GTSF1: variants seen among roughly 807,000 people sequenced by gnomAD.
GTSF1 encodes the protein gametocyte-specific factor 1.
In GTSF1, 11 loss-of-function variants were observed where a neutral mutation model predicts 28.9. The ratio of observed to expected loss-of-function variants is 0.38; its 90% confidence interval spans 0.24 to 0.63. The LOEUF (loss-of-function observed/expected upper bound fraction) is 0.63. Ranked by LOEUF, GTSF1 falls within the 30% of genes least tolerant of loss-of-function variation. GTSF1 has a pLI of 0.56. For missense variants in GTSF1, 146 were observed against 201.0 expected (o/e 0.73, Z 1.66); for synonymous variants, 69 against 65.6 (o/e 1.05, Z -0.25).
At position 54,462,709 on chromosome 12, in the gene GTSF1, G is replaced by T. The variant is rs945404154; in HGVS notation, c.261C>A (p.Ser87Arg). Residue 87 changes from serine (S) to arginine (R), a missense_variant, in exon 5 of 9, where the codon AGC becomes AGA. Physicochemically the swap from Ser to Arg is moderately radical, Grantham distance 110. Coordinates refer to ENST00000305879, the MANE Select transcript of GTSF1 (RefSeq NM_144594.3). ...IEQDVVNQTR[S>R]LRQETLAEST... is the part of the protein sequence containing the mutation. The stretch of plus-strand genomic sequence containing the variant: ...TCTCAGCCAGAGTCTCTTGTCTAAG[G>T]CTCCTGGTTTGGTTGACTGCAAGAC... 3.7e-6 allele frequency: 6 copies of T among 1,613,786 alleles called. No individual in the cohort carries two copies. Among genetic ancestry groups the T allele is most frequent in the Non-Finnish European group, 2.5e-6 (3 of 1,179,824 alleles).
chr12:54,470,005 T>C (rs1009671489), intron 2 of GTSF1, among the ~76,000 whole-genome samples: 2 of 151,914 alleles, frequency 1.3e-5, no homozygotes, highest in African/African-American at 4.8e-5. Flanking sequence ...ACCCGGCCGG[T>C]CTCTACTAAA....
Position 54,463,164 on chromosome 12 carries a change from G to A in GTSF1, c.244+7C>T. 6.2e-7 allele frequency: 1 copy of A among 1,613,206 alleles called. No homozygotes were observed. Among genetic ancestry groups the A allele is most frequent in the Non-Finnish European group, 8.5e-7 (1 of 1,179,486 alleles). On this transcript the variant is annotated splice_region_variant and intron_variant, in intron 4 of 8. Coordinates refer to ENST00000305879, the MANE Select transcript of GTSF1 (RefSeq NM_144594.3). The stretch of plus-strand genomic sequence containing the variant: ...AGTACTGAAATATTTTAGATACTAA[G>A]TCTTACCAACATCTTGCTCAATACA...
At chr12:54,472,758 CTAGT>C (rs1235883648) in intron 1 of GTSF1, 2 of 152,078 alleles carry the variant, frequency 1.3e-5, no homozygotes, top group African/African-American at 4.8e-5. Context: ...AGCTAGAACT[CTAGT>C]TTTTTTGCTA....
chr12:54,466,000 T>TA (rs1351324111), intron 2 of GTSF1, among the ~76,000 whole-genome samples: 2 of 152,080 alleles, frequency 1.3e-5, no homozygotes, highest in South Asian at 2.1e-4. Flanking sequence ...ATTAGCCAGC[T>TA]AAAAAAATAG....
intron 6 of GTSF1, among the ~76,000 whole-genome samples, chr12:54,461,467 G>GT (rs1956422197): frequency 6.6e-6 from 1 of 152,050 alleles, no homozygotes; most frequent in African/African-American, 2.4e-5. Flanking sequence ...GAGGCCAGAA[G>GT]TTTGAGACCA....
In GTSF1 at chr12:54,462,135, G is replaced by GC; in HGVS notation, c.365dup (p.Thr123HisfsTer6). ...TGTTGTTGTCAGAGTAGTGAGTTGT[G>GC]CCCCAGACAAATGGGGTGCTGGTCT... On this transcript the variant is annotated frameshift_variant, in exon 6 of 9. Transcript: ENST00000305879. LOFTEE classifies it high-confidence loss of function. 6.2e-7 allele frequency: 1 copy of GC among 1,613,676 alleles called. No homozygotes were observed. Among genetic ancestry groups the GC allele is most frequent in the South Asian group, 1.1e-5 (1 of 91,066 alleles).
At chr12:54,461,919 T>C (rs949494150) in intron 6 of GTSF1, among the ~76,000 whole-genome samples, 190 bp downstream of exon 6, 2 of 152,332 alleles carry the variant, frequency 1.3e-5, no homozygotes, top group South Asian at 2.1e-4. Flanking sequence ...TCCCTTATGA[T>C]TGGCACAAAG....
intron 8 of GTSF1, among the ~76,000 whole-genome samples, chr12:54,458,832 TAA>T (rs4016626): frequency 2.3e-5 from 3 of 131,946 alleles, no homozygotes; most frequent in African/African-American, 2.8e-5. Context: ...GCAACTTTGA[TAA>T]AAAAAAAAAA....
At chr12:54,469,021 A>G (rs1412638841) in intron 2 of GTSF1, 1 of 152,216 alleles carries the variant, frequency 6.6e-6, no homozygotes, top group Non-Finnish European at 1.5e-5. Flanking sequence ...AATAGACAGT[A>G]GTATGCTTCC....
At chr12:54,461,798 G>A (rs1444409282) in intron 6 of GTSF1, among the ~76,000 whole-genome samples, 2 of 152,132 alleles carry the variant, frequency 1.3e-5, no homozygotes, top group African/African-American at 2.4e-5. Context: ...GGTATAGTGG[G>A]AGAATTTTTT....
intron 8 of GTSF1, among the ~76,000 whole-genome samples, chr12:54,456,624 TA>T: frequency 6.6e-6 from 1 of 152,198 alleles, no homozygotes; most frequent in South Asian, 2.1e-4. Flanking sequence ...GATAAAAACA[TA>T]AATAGGATAA....
At position 54,462,691 on chromosome 12, in the gene GTSF1, CAG is replaced by C. The variant is rs1565658804; in HGVS notation, c.277_278del (p.Leu93GlyfsTer2). ...NQTRSLRQET[L>X]AESTWQCPPC... The stretch of plus-strand genomic sequence containing the variant: ...GAGGGCACTGCCAAGTGCTCTCAGC[CAG>C]AGTCTCTTGTCTAAGGCTCCTGGTT... On this transcript the variant is annotated frameshift_variant, in exon 5 of 9. Transcript: ENST00000305879. LOFTEE classifies it high-confidence loss of function. The C allele has an allele frequency of 2.5e-6, 4 of 1,614,002 alleles. No individual in the cohort carries two copies. Among genetic ancestry groups the C allele is most frequent in the African/African-American group, 2.7e-5 (2 of 74,928 alleles).
chr12:54,463,371 T>C, intron 3 of GTSF1, 74 bp from the exon 4 acceptor site: 12 of 1,425,742 alleles, frequency 8.4e-6, no homozygotes, highest in South Asian at 2.5e-5. Flanking sequence ...CTAAGCCTTA[T>C]TCTACAAATG....
Position 54,462,156 on chromosome 12 carries a change from G to T in GTSF1, c.345C>A (p.Thr115=), listed in dbSNP as rs750525149. Residue 115 remains threonine, a synonymous_variant, in exon 6 of 9, where the codon ACC becomes ACA. Coordinates refer to ENST00000305879, the MANE Select transcript of GTSF1 (RefSeq NM_144594.3). ...TTGTGCCCCAGACAAATGGGGTGCT[G>T]GTCTGCTCCCACAAATCTGTTAAAG... is the stretch of plus-strand genomic sequence containing the variant. ...EDWDKDLWEQ[T]STPFVWGTTH... The T allele has an allele frequency of 1.9e-6, 3 of 1,613,248 alleles. No homozygotes were observed. The highest frequency in any genetic ancestry group is 2.5e-6 in the Non-Finnish European group (3 of 1,179,334).
At chr12:54,468,246 CCACCCCG>C (rs1473438823) in intron 2 of GTSF1, among the ~76,000 whole-genome samples, 2 of 152,026 alleles carry the variant, frequency 1.3e-5, no homozygotes, top group Non-Finnish European at 2.9e-5. Flanking sequence ...TCTTGTGCCT[CCACCCCG>C]CAAGTAGCTG....
intron 7 of GTSF1, among the ~76,000 whole-genome samples, chr12:54,459,907 T>C (rs2120734084): frequency 7.0e-6 from 1 of 143,628 alleles, no homozygotes; most frequent in East Asian, 2.0e-4. Flanking sequence ...TTTGTATTTT[T>C]AGTAGAGACG....
At chr12:54,469,249 T>C (rs1956563459) in intron 2 of GTSF1, among the ~76,000 whole-genome samples, 1 of 152,094 alleles carries the variant, frequency 6.6e-6, no homozygotes, top group African/African-American at 2.4e-5. Flanking sequence ...CAGCTAATTT[T>C]TGTATTTTTA....
chr12:54,460,831 T>A (rs553103543), intron 6 of GTSF1, among the ~76,000 whole-genome samples: 2 of 152,324 alleles, frequency 1.3e-5, no homozygotes, highest in African/African-American at 4.8e-5. Flanking sequence ...CAGCAAATCT[T>A]CAACTGAGGT....
chr12:54,456,218 T>C (rs897127711), intron 8 of GTSF1, 65 bp from the exon 9 acceptor site: 2 of 152,212 alleles, frequency 1.3e-5, no homozygotes, highest in African/African-American at 4.8e-5. Context: ...CAACTACATC[T>C]GACAATGGGC....
Sources: allele counts gnomAD v4.1 joint callset (sites outside exome capture counted in the v4.1 genomes callset), GRCh38; gene constraint gnomAD v4.1.1; transcripts MANE v1.5; gene names NCBI Gene and HGNC (gene_info 2026-07-23, HGNC 2026-07-21).